The following CSMD3 variants were observed in gnomAD, a reference collection of about 807,000 sequenced individuals.
CSMD3 encodes the protein CUB and Sushi multiple domains 3, also known as CUB and sushi domain-containing protein 3.
A neutral mutation model predicts 435.2 loss-of-function variants in CSMD3; 177 were observed. The ratio of observed to expected loss-of-function variants is 0.41; its 90% CI spans 0.36 to 0.46. CSMD3 has a LOEUF of 0.46. CSMD3 is among the 20% of genes least tolerant of loss of function. CSMD3 has a pLI of 0.34. For synonymous variants in CSMD3, 1,656 were observed against 1,520.5 expected (o/e 1.09, Z -2.07); for missense variants, 4,265 against 4,504.6 (o/e 0.95, Z 1.52).
chr8:112,360,453 G>T (rs1304371460), intron 38 of CSMD3, among the ~76,000 whole-genome samples: 1 of 151,822 alleles, frequency 6.6e-6, no homozygotes, highest in Admixed American at 6.6e-5. Context: ...TTTAAAAAAT[G>T]ACACAAAACT....
At chr8:113,119,751 G>A (rs2090933583) in intron 4 of CSMD3, among the ~76,000 whole-genome samples, 1 of 152,044 alleles carries the variant, frequency 6.6e-6, no homozygotes. Flanking sequence ...GGAAAAAATA[G>A]TTAAATACAT....
At chr8:112,969,295 G>A (rs960110688) in intron 7 of CSMD3, among the ~76,000 whole-genome samples, 11 of 151,694 alleles carry the variant, frequency 7.3e-5, no homozygotes, top group Admixed American at 3.9e-4. Context: ...CTGCTTCTTT[G>A]GATTAAAATT....
Position 112,739,071 on chromosome 8 carries a change from T to C in CSMD3, c.1973-49021A>G, listed in dbSNP as rs540681388. ...AAAGGTTATAAAAATTAGCTAGATA[T>C]ATCCAAGTAAAATAAAAATGATTAT... On this transcript the variant is annotated intron_variant, in intron 13 of 70. Transcript: ENST00000297405. Among the ~76,000 whole-genome samples the C allele has an allele frequency of 1.1e-4, 17 of 151,842 alleles. No homozygotes were observed. In the South Asian group the frequency reaches 3.1e-3, roughly 28 times the overall value.
intron 10 of CSMD3, among the ~76,000 whole-genome samples, chr8:112,863,923 G>A (rs1294189632): frequency 6.6e-6 from 1 of 151,876 alleles, no homozygotes; most frequent in Non-Finnish European, 1.5e-5. Context: ...GCAAGTATTG[G>A]GTTATAAATT....
intron 5 of CSMD3, among the ~76,000 whole-genome samples, chr8:113,041,845 A>C (rs575361943): frequency 6.6e-6 from 1 of 152,254 alleles, no homozygotes; most frequent in East Asian, 1.9e-4. Flanking sequence ...TATACATTAA[A>C]ATTTTTAATC....
chr8:112,747,183 CTTTTTTTTTTTTTTTTTTTTT>C (rs71309787), intron 13 of CSMD3, among the ~76,000 whole-genome samples: 4 of 26,950 alleles, frequency 1.5e-4, no homozygotes, highest in South Asian at 1.4e-3. Flanking sequence ...GCACACTTCC[CTTTTTTTTTTTTTTTTTTTTT>C]TTTTTTTTTT....
At chr8:113,292,079 C>T (rs926869200) in intron 2 of CSMD3, among the ~76,000 whole-genome samples, 1 of 151,522 alleles carries the variant, frequency 6.6e-6, no homozygotes, top group Non-Finnish European at 1.5e-5. Context: ...ATTAATAATG[C>T]CTAGTTTAAA....
At chr8:112,864,154 G>T (rs1396270340) in intron 10 of CSMD3, among the ~76,000 whole-genome samples, 1 of 152,070 alleles carries the variant, frequency 6.6e-6, no homozygotes, top group African/African-American at 2.4e-5. Context: ...ACAATATGCT[G>T]TATTATTTTC....
chr8:112,897,652 C>T (rs184770342), intron 10 of CSMD3, among the ~76,000 whole-genome samples: 1,572 of 148,622 alleles, frequency 0.011, 30 homozygotes, highest in African/African-American at 0.036. Context: ...CGAGAACTCC[C>T]TAAAATACTA....
At chr8:112,786,198 A>C (rs1299040737) in intron 13 of CSMD3, among the ~76,000 whole-genome samples, 2 of 152,172 alleles carry the variant, frequency 1.3e-5, no homozygotes, top group Admixed American at 6.6e-5. Flanking sequence ...CTCTTGGATA[A>C]ATGGTGCTGA....
chr8:112,828,038 T>A (rs1243545507), intron 12 of CSMD3, among the ~76,000 whole-genome samples: 1 of 152,174 alleles, frequency 6.6e-6, no homozygotes, highest in Non-Finnish European at 1.5e-5. Context: ...TGCTGCCAAT[T>A]TATATATATA....
At chr8:112,765,055 G>T (rs182625244) in intron 13 of CSMD3, among the ~76,000 whole-genome samples, 4 of 151,534 alleles carry the variant, frequency 2.6e-5, no homozygotes, top group African/African-American at 7.3e-5. Context: ...GGTGGACAGC[G>T]TCATAAGATC....
At chr8:113,167,725 C>T (rs887477267) in intron 4 of CSMD3, among the ~76,000 whole-genome samples, 2 of 152,150 alleles carry the variant, frequency 1.3e-5, no homozygotes, top group African/African-American at 2.4e-5. Flanking sequence ...TGTTAGCAGG[C>T]TTTGAGCTGA....
intron 24 of CSMD3, among the ~76,000 whole-genome samples, chr8:112,559,746 G>T (rs1828446490): frequency 6.6e-6 from 1 of 151,802 alleles, no homozygotes; most frequent in African/African-American, 2.4e-5. Context: ...CAAAATCTAA[G>T]CTGCCGTAGC....
intron 12 of CSMD3, among the ~76,000 whole-genome samples, chr8:112,816,218 C>T (rs1163639800): frequency 6.6e-6 from 1 of 152,052 alleles, no homozygotes; most frequent in African/African-American, 2.4e-5. Context: ...AATAGTAACA[C>T]AAGGCTTTCT....
chr8:112,893,882 A>C (rs777877407), intron 10 of CSMD3, among the ~76,000 whole-genome samples: 1 of 151,452 alleles, frequency 6.6e-6, no homozygotes, highest in Non-Finnish European at 1.5e-5. Context: ...TACTCTTCCA[A>C]TGGATATGAA....
chr8:112,997,963 T>C (rs1587852879), intron 6 of CSMD3, among the ~76,000 whole-genome samples: 1 of 151,162 alleles, frequency 6.6e-6, no homozygotes. Context: ...ATATGTCTCA[T>C]TTCATTCAGG....
intron 1 of CSMD3, among the ~76,000 whole-genome samples, chr8:113,389,753 A>T (rs570199946): frequency 1.4e-4 from 21 of 151,772 alleles, no homozygotes; most frequent in Non-Finnish European, 2.7e-4. Flanking sequence ...AAACTATCTC[A>T]GTTTATACAG....
chr8:112,635,169 G>A (rs913828532), intron 22 of CSMD3, among the ~76,000 whole-genome samples: 2 of 151,974 alleles, frequency 1.3e-5, no homozygotes, highest in Non-Finnish European at 2.9e-5. Flanking sequence ...AAAACAATTA[G>A]TTAAAATAAA....
Sources: gnomAD v4.1 joint callset for allele counts (sites outside exome capture counted in the v4.1 genomes callset) on GRCh38, gnomAD v4.1.1 for gene constraint, MANE v1.5 for transcripts, NCBI Gene and HGNC (gene_info 2026-07-23, HGNC 2026-07-21) for gene names.